Variants in ERICH1 observed in about 807,000 individuals in gnomAD.
ERICH1 encodes the protein glutamate rich 1.
ERICH1 carries 56 observed loss-of-function variants against 39.6 expected under a neutral mutation model. The ratio of observed to expected loss-of-function variants is 1.41; its 90% CI spans 1.14 to 1.77. ERICH1 has a LOEUF of 1.77. ERICH1 is among the 40% of genes most tolerant of loss of function. ERICH1 has a pLI of 0.00. For synonymous variants in ERICH1, 313 were observed against 223.6 expected (o/e 1.40, Z -3.57); for missense variants, 826 against 575.4 (o/e 1.44, Z -4.45).
At chr8:641,467 C>T in intron 3 of ERICH1, among the ~76,000 whole-genome samples, 1 of 152,248 alleles carries the variant, frequency 6.6e-6, no homozygotes, top group East Asian at 1.9e-4. Context: ...GTTACATTGA[C>T]AGCTTTAACC....
At chr8:656,986 ATTAC>A (rs760586915) in intron 3 of ERICH1, 48 of 308,592 alleles carry the variant, frequency 1.6e-4, no homozygotes, top group Admixed American at 4.5e-4. Context: ...CAATTTTACT[ATTAC>A]TTAGCAAATG....
chr8:615,582 C>A, intron 3 of ERICH1: 1 of 321,610 alleles, frequency 3.1e-6, no homozygotes, highest in Non-Finnish European at 5.6e-6. Flanking sequence ...AGCTATTTGG[C>A]AAATGCTATG....
At chr8:678,830 C>G (rs1554505331) in intron 3 of ERICH1, among the ~76,000 whole-genome samples, 8 of 152,118 alleles carry the variant, frequency 5.3e-5, no homozygotes, top group Non-Finnish European at 1.5e-5. Context: ...AAAGCCAACA[C>G]ATGTCTTACA....
rs1811664866 is a variant in ERICH1, at chr8:700,272, G to GGCCCGGACAC, written c.170-7661_170-7660insGTGTCCGGGC. On this transcript the variant is annotated intron_variant, in intron 2 of 5. Coordinates refer to ENST00000262109, the MANE Select transcript of ERICH1 (RefSeq NM_207332.3). ...CCGCACACGCGCACAGGCCCGCACA[G>GGCCCGGACAC]GCGCACAGACCCGCACAGGCCCGGA... 2.9e-5 allele frequency among the ~76,000 whole-genome samples: 2 copies of GGCCCGGACAC among 69,162 alleles called. 1 individual carries two copies. Among genetic ancestry groups the GGCCCGGACAC allele is most frequent in the Non-Finnish European group, 6.5e-5 (2 of 30,960 alleles). 45.4% of individuals were successfully genotyped at this position (69,162 alleles called of 152,430 possible). A position where few individuals can be genotyped will look rare whatever the true frequency, so the allele number is the denominator to read the frequency against.
In ERICH1 at chr8:673,998, T is replaced by G. The variant is rs747390658; in HGVS notation, c.354A>C (p.Lys118Asn). 7 of 1,582,454 alleles carry G rather than the reference T, an allele frequency of 4.4e-6. No individual in the cohort carries two copies. Among genetic ancestry groups the G allele is most frequent in the Non-Finnish European group, 6.0e-6 (7 of 1,173,998 alleles). ...QPKRRRIRKHKSKKKFKNPNN... is the reference protein window; with the variant it reads ...QPKRRRIRKHNSKKKFKNPNN... ...TGGGATTTTTAAATTTTTTCTTTGA[T>G]TTATGCTTCCTAATTCTTCTTCTCT... Residue 118 changes from lysine to asparagine, a missense_variant, in exon 4 of 6, where the codon AAA becomes AAC. Coordinates refer to ENST00000262109, the MANE Select transcript of ERICH1 (RefSeq NM_207332.3).
At chr8:672,464 T>C (rs1328321180) in intron 4 of ERICH1, among the ~76,000 whole-genome samples, 1 of 152,214 alleles carries the variant, frequency 6.6e-6, no homozygotes, top group African/African-American at 2.4e-5. Context: ...TAGCTGATAT[T>C]TCTCAATCTT....
At chr8:698,044 C>T (rs1166590002) in intron 2 of ERICH1, among the ~76,000 whole-genome samples, 5 of 152,106 alleles carry the variant, frequency 3.3e-5, no homozygotes, top group South Asian at 4.2e-4. Context: ...CCCTCGGACC[C>T]GGGGGTGGGT....
In ERICH1 at chr8:705,111, G is replaced by A. The variant is rs187025966; in HGVS notation, c.169+10750C>T. ...GAACCAAAGAAACAGATCGTGTGAA[G>A]TGAACAAATATCAATCAATTGGCTA... On this transcript the variant is annotated intron_variant, in intron 2 of 5. Transcript: ENST00000262109. Among the ~76,000 whole-genome samples the A allele has an allele frequency of 2.0e-5, 3 of 152,318 alleles. No individual in the cohort carries two copies. In the East Asian group the frequency reaches 5.8e-4, roughly 29 times the overall value.
downstream of ERICH1, among the ~76,000 whole-genome samples, chr8:660,256 C>T (rs959427326): frequency 2.0e-5 from 3 of 152,264 alleles, no homozygotes; most frequent in African/African-American, 7.2e-5. Flanking sequence ...GGGCCATCAC[C>T]TGTGATGAGG....
intron 2 of ERICH1, among the ~76,000 whole-genome samples, chr8:695,030 G>T (rs1207585877): frequency 6.6e-6 from 1 of 152,160 alleles, no homozygotes; most frequent in East Asian, 1.9e-4. Flanking sequence ...GAGGGGCGTG[G>T]TGGCTCGGAG....
intron 3 of ERICH1, among the ~76,000 whole-genome samples, chr8:624,574 C>T (rs1797489183): frequency 6.6e-6 from 1 of 151,676 alleles, no homozygotes; most frequent in African/African-American, 2.4e-5. Context: ...GTTCTGCAGG[C>T]TGTACAGGAA....
chr8:655,045 T>C (rs1474926636), intron 3 of ERICH1, among the ~76,000 whole-genome samples: 1 of 152,108 alleles, frequency 6.6e-6, no homozygotes, highest in Admixed American at 6.6e-5. Flanking sequence ...CCCAGCTCAC[T>C]ACAGAAAGCC....
chr8:673,171 A>G (rs1180410549), intron 4 of ERICH1, 118 bp downstream of exon 4: 2 of 1,251,350 alleles, frequency 1.6e-6, no homozygotes, highest in East Asian at 2.6e-5. Flanking sequence ...CTTACAACTA[A>G]TTATTTTACA....
chr8:671,874 C>T (rs565097775), intron 4 of ERICH1: 6 of 158,610 alleles, frequency 3.8e-5, no homozygotes, highest in African/African-American at 1.0e-4. Context: ...CTCCAGGCTG[C>T]GACCTCTGAA....
At chr8:633,137 G>C (rs1323909060) in intron 3 of ERICH1, among the ~76,000 whole-genome samples, 1 of 151,122 alleles carries the variant, frequency 6.6e-6, no homozygotes, top group Non-Finnish European at 1.5e-5. Flanking sequence ...TGCTGCCCAG[G>C]ACAGACGGAA....
intron 3 of ERICH1, among the ~76,000 whole-genome samples, chr8:630,257 T>C (rs1384256138): frequency 9.4e-6 from 1 of 106,264 alleles, no homozygotes; most frequent in Non-Finnish European, 1.9e-5. Flanking sequence ...ACTCACACCC[T>C]CCCGTGACCA....
rs752034726 is a variant in ERICH1, at chr8:668,799, A to G, written c.1064-7T>C. ...GCTGCATCTCTGGAGACACCTACAT[A>G]AAGTCAGTTTTGCTTGGAAATACAG... is the stretch of plus-strand genomic sequence containing the variant. On this transcript the variant is annotated splice_polypyrimidine_tract_variant and splice_region_variant and intron_variant, in intron 4 of 5. Transcript: ENST00000262109. The G allele has an allele frequency of 1.3e-6, 2 of 1,582,982 alleles. No individual in the cohort carries two copies. Among genetic ancestry groups the G allele is most frequent in the Non-Finnish European group, 8.6e-7 (1 of 1,166,196 alleles).
At chr8:655,301 C>A (rs929408866) in intron 3 of ERICH1, among the ~76,000 whole-genome samples, 1 of 152,202 alleles carries the variant, frequency 6.6e-6, no homozygotes, top group Admixed American at 6.5e-5. Context: ...CGCCCTCATG[C>A]CACAGGCAGG....
At chr8:720,324 G>T (rs1221343749) in intron 1 of ERICH1, among the ~76,000 whole-genome samples, 1 of 152,144 alleles carries the variant, frequency 6.6e-6, no homozygotes, top group East Asian at 1.9e-4. Context: ...ATGGCAGAAC[G>T]CTGAGGTACC....
Sources: gnomAD v4.1 joint callset for allele counts (sites outside exome capture counted in the v4.1 genomes callset) on GRCh38, gnomAD v4.1.1 for gene constraint, MANE v1.5 for transcripts, NCBI Gene and HGNC (gene_info 2026-07-23, HGNC 2026-07-21) for gene names.